NRXN1: variants seen among roughly 807,000 people sequenced by gnomAD.
The protein encoded by NRXN1 is neurexin 1.
In NRXN1, 39 loss-of-function variants were observed where a neutral mutation model predicts 150.9. The ratio of observed to expected loss-of-function variants is 0.26; its 90% CI spans 0.20 to 0.34. The LOEUF is 0.34. Among genes scored for constraint, NRXN1 ranks in the 10% least tolerant of loss-of-function variants. The pLI is 1.00. For synonymous variants in NRXN1, 924 were observed against 757.0 expected, an observed-to-expected ratio of 1.22 and a Z score of -3.62; for missense variants, 1,815 against 1,949.9, an observed-to-expected ratio of 0.93 and a Z score of 1.30.
At chr2:50,171,745 A>G (rs966507759) in intron 18 of NRXN1, among the ~76,000 whole-genome samples, 5 of 152,220 alleles carry the variant, frequency 3.3e-5, no homozygotes. Flanking sequence ...ATTCTTGAAT[A>G]TCCTTAAAAG....
chr2:50,569,998 G>A (rs1670420891), intron 8 of NRXN1, among the ~76,000 whole-genome samples: 1 of 152,126 alleles, frequency 6.6e-6, no homozygotes, highest in African/African-American at 2.4e-5. Context: ...AGTAACTACT[G>A]TTGCCAATTA....
chr2:50,460,959 G>A (rs2088142271), intron 17 of NRXN1, among the ~76,000 whole-genome samples: 1 of 151,960 alleles, frequency 6.6e-6, no homozygotes, highest in African/African-American at 2.4e-5. Flanking sequence ...TCAGCTCACA[G>A]CTTAATACTA....
intron 5 of NRXN1, among the ~76,000 whole-genome samples, chr2:50,742,929 C>G (rs1699604253): frequency 6.6e-6 from 1 of 152,132 alleles, no homozygotes; most frequent in Non-Finnish European, 1.5e-5. Flanking sequence ...AAATCATCCT[C>G]CAATTAGCTG....
chr2:50,129,065 A>C (rs1197147842), intron 18 of NRXN1, among the ~76,000 whole-genome samples: 1 of 152,148 alleles, frequency 6.6e-6, no homozygotes, highest in Non-Finnish European at 1.5e-5. Context: ...CTGATCCTCA[A>C]GGTGGTAAAA....
chr2:50,122,355 C>A (rs1198949327), intron 18 of NRXN1, among the ~76,000 whole-genome samples: 1 of 152,198 alleles, frequency 6.6e-6, no homozygotes, highest in Admixed American at 6.5e-5. Context: ...ACAAAAATTT[C>A]TCCCTAAGGA....
At chr2:50,738,256 TGAC>T (rs1262047337) in intron 5 of NRXN1, among the ~76,000 whole-genome samples, 1 of 152,224 alleles carries the variant, frequency 6.6e-6, no homozygotes, top group African/African-American at 2.4e-5. Flanking sequence ...TTCTCATTAA[TGAC>T]ACTGCATCAT....
chr2:50,462,662 G>A (rs910952769), intron 17 of NRXN1, among the ~76,000 whole-genome samples: 7 of 151,734 alleles, frequency 4.6e-5, no homozygotes, highest in Non-Finnish European at 8.8e-5. Context: ...ATTTTCCGGG[G>A]AAGAAAGGGT....
At chr2:50,710,972 C>A (rs1559154586) in intron 5 of NRXN1, among the ~76,000 whole-genome samples, 1 of 152,016 alleles carries the variant, frequency 6.6e-6, no homozygotes, top group East Asian at 1.9e-4. Flanking sequence ...CTCTGTGGCC[C>A]CCATAATAGA....
In NRXN1 at chr2:50,250,702, G is replaced by T. The variant is rs546874201; in HGVS notation, c.3365-13732C>A. On this transcript the variant is annotated intron_variant, in intron 17 of 22. Transcript: ENST00000401669. ...TAATATTAATGTCATAAGAAAGACT[G>T]CACTTAGTAAGTGTCTTGGTGATAT... Among the ~76,000 whole-genome samples the T allele has an allele frequency of 8.6e-5, 13 of 151,916 alleles. 1 individual carries two copies. Among genetic ancestry groups the T allele is most frequent in the African/African-American group, 3.1e-4 (13 of 41,466 alleles).
intron 18 of NRXN1, among the ~76,000 whole-genome samples, chr2:50,093,546 G>A (rs1392215365): frequency 6.6e-6 from 1 of 151,842 alleles, no homozygotes; most frequent in Non-Finnish European, 1.5e-5. Context: ...GAGGTGGGAA[G>A]ATCACTTGAG....
At chr2:50,854,406 C>A (rs2105993027) in intron 5 of NRXN1, among the ~76,000 whole-genome samples, 1 of 152,076 alleles carries the variant, frequency 6.6e-6, no homozygotes, top group East Asian at 1.9e-4. Flanking sequence ...TAGTAAAACC[C>A]AATGGAAAGC....
At chr2:50,359,255 A>C (rs1396046616) in intron 17 of NRXN1, among the ~76,000 whole-genome samples, 1 of 152,078 alleles carries the variant, frequency 6.6e-6, no homozygotes, top group Non-Finnish European at 1.5e-5. Flanking sequence ...ACGGCGAATG[A>C]GTTTGACGAA....
At chr2:50,115,694 G>C (rs990024) in intron 18 of NRXN1, among the ~76,000 whole-genome samples, 1 of 151,796 alleles carries the variant, frequency 6.6e-6, no homozygotes, top group Non-Finnish European at 1.5e-5. Context: ...AGAAAGAGAA[G>C]TCCAGGTGGG....
intron 21 of NRXN1, among the ~76,000 whole-genome samples, chr2:49,950,569 G>C (rs1673749977): frequency 1.3e-5 from 2 of 151,888 alleles, no homozygotes; most frequent in African/African-American, 4.8e-5. Context: ...ATAATTTACT[G>C]TTCTCTCTCT....
intron 8 of NRXN1, among the ~76,000 whole-genome samples, chr2:50,581,862 G>T (rs1321879439): frequency 6.6e-6 from 1 of 152,158 alleles, no homozygotes; most frequent in East Asian, 1.9e-4. Flanking sequence ...GCAGATCCAA[G>T]ACTATATGCC....
At chr2:50,270,251 C>G (rs1014867934) in intron 17 of NRXN1, among the ~76,000 whole-genome samples, 1 of 152,074 alleles carries the variant, frequency 6.6e-6, no homozygotes, top group Non-Finnish European at 1.5e-5. Context: ...TACTAAAATT[C>G]AACCTACCAT....
chr2:50,459,285 C>T (rs2087913603), intron 17 of NRXN1, among the ~76,000 whole-genome samples: 2 of 152,216 alleles, frequency 1.3e-5, no homozygotes, highest in Non-Finnish European at 2.9e-5. Context: ...CAAATATCTT[C>T]CTGATTAATA....
chr2:50,749,992 T>C (rs1700405408), intron 5 of NRXN1, among the ~76,000 whole-genome samples: 2 of 152,054 alleles, frequency 1.3e-5, no homozygotes, highest in African/African-American at 4.8e-5. Flanking sequence ...AAATAAAAGA[T>C]TGTATCCTAA....
At chr2:49,941,826 G>A (rs530610890) in intron 22 of NRXN1, among the ~76,000 whole-genome samples, 2 of 152,114 alleles carry the variant, frequency 1.3e-5, no homozygotes, top group African/African-American at 2.4e-5. Context: ...TCATGCTAGA[G>A]GATGTCAGAG....
Sources: gnomAD v4.1 joint callset for allele counts (sites outside exome capture counted in the v4.1 genomes callset) on GRCh38, gnomAD v4.1.1 for gene constraint, MANE v1.5 for transcripts, NCBI Gene and HGNC (gene_info 2026-07-23, HGNC 2026-07-21) for gene names.